Variants in SYNE1 observed in about 807,000 individuals in gnomAD.
SYNE1 encodes the protein spectrin repeat containing nuclear envelope protein 1, also known as nesprin-1.
Under a neutral mutation model 1,111.0 loss-of-function variants are expected in SYNE1, and 616 were observed. The ratio of observed to expected loss-of-function variants is 0.55; its 90% CI spans 0.52 to 0.59. The LOEUF (loss-of-function observed/expected upper bound fraction) is 0.59. SYNE1 is among the 20% of genes least tolerant of loss of function. SYNE1 has a pLI of 0.00. For synonymous variants in SYNE1, 3,855 were observed against 3,825.8 expected (o/e 1.01, Z -0.28); for missense variants, 10,006 against 10,417.0 (o/e 0.96, Z 1.72).
intron 2 of SYNE1, among the ~76,000 whole-genome samples, chr6:152,628,760 A>T (rs183219383): frequency 2.9e-4 from 44 of 152,334 alleles, no homozygotes; most frequent in Non-Finnish European, 4.6e-4. Context: ...TACATAAATG[A>T]GACATATAAA....
Position 152,155,022 on chromosome 6 carries a change from A to G in SYNE1, c.23999T>C (p.Leu8000Ser), listed in dbSNP as rs371981571. The change falls in exon 133 of 146, where the codon TTG (leucine) becomes TCG (serine). Residue 8000 changes from leucine to serine, a missense_variant. Physicochemically the swap from Leu to Ser is moderately radical, Grantham distance 145. Coordinates refer to ENST00000367255, the MANE Select transcript of SYNE1 (RefSeq NM_182961.4). Reference sequence around the variant, plus strand: ...ATAGTCATCCAGAAATTTCTGCCACAATCGCCACGTCTCTTCGATTCTGGG... The same window carrying G: ...ATAGTCATCCAGAAATTTCTGCCACGATCGCCACGTCTCTTCGATTCTGGG... ...RRLKIEETWR[L>S]WQKFLDDYSR... The G allele has an allele frequency of 9.3e-6, 15 of 1,614,040 alleles. No homozygotes were observed. Among genetic ancestry groups the G allele is most frequent in the Non-Finnish European group, 1.3e-5 (15 of 1,180,014 alleles).
chr6:152,293,639 A>G lies in SYNE1; in HGVS notation c.17961T>C (p.Ser5987=). Residue 5987 remains serine (S), a synonymous_variant, in exon 95 of 146, where the codon AGT becomes AGC. Transcript: ENST00000367255. Reference sequence around the variant, plus strand: ...GACTCCTGCCAGGCTCTGGGCTCTCACTGAGTTTCAGCTCAATGGCCTCCA... The same window carrying G: ...GACTCCTGCCAGGCTCTGGGCTCTCGCTGAGTTTCAGCTCAATGGCCTCCA... ...TKMEAIELKL[S]ESPEPGRSPE... 1 of 1,613,984 alleles carries G rather than the reference A, an allele frequency of 6.2e-7. No individual in the cohort carries two copies. The highest frequency in any genetic ancestry group is 8.5e-7 in the Non-Finnish European group (1 of 1,179,934).
chr6:152,364,084 C>A (rs761982369), intron 63 of SYNE1, among the ~76,000 whole-genome samples: 1 of 152,092 alleles, frequency 6.6e-6, no homozygotes, highest in Non-Finnish European at 1.5e-5. Context: ...ATGCTGTTCT[C>A]GTGATAGTCA....
rs180740462 is a variant in SYNE1, at chr6:152,312,684, T to C, written c.16711-1811A>G. On this transcript the variant is annotated intron_variant, in intron 87 of 145. Coordinates refer to ENST00000367255, the MANE Select transcript of SYNE1 (RefSeq NM_182961.4). Reference sequence around the variant, plus strand: ...ATATAAATATATCAAATAGAAAATATATGACTTGGAAAATATTGAAAATAT... The same window carrying C: ...ATATAAATATATCAAATAGAAAATACATGACTTGGAAAATATTGAAAATAT... Among the ~76,000 whole-genome samples the C allele has an allele frequency of 2.7e-5, 4 of 150,006 alleles. No homozygotes were observed. The East Asian group carries it at 7.7e-4, about 29-fold the overall frequency.
intron 145 of SYNE1, chr6:152,126,402 G>T (rs929359885): frequency 3.0e-4 from 46 of 152,160 alleles, no homozygotes; most frequent in African/African-American, 1.1e-3. Flanking sequence ...TAAGTTTCTA[G>T]AGTCTTGGGA....
chr6:152,225,770 A>G lies in SYNE1; in HGVS notation c.21302T>C (p.Met7101Thr), dbSNP rs769405487. ...NKKEDVSSIV[M>T]STLRELGQTW... ...TTGGCCGAGCTCTCGCAGTGTGCTC[A>G]TGACAATGCTAGAGACGTCTTCTTT... is the stretch of plus-strand genomic sequence containing the variant. The change falls in exon 116 of 146, where the codon ATG (methionine) becomes ACG (threonine). Residue 7101 changes from methionine (M) to threonine (T), a missense_variant. By Grantham distance (81) the Met-to-Thr change is moderately conservative (BLOSUM62 -1). Transcript: ENST00000367255. 1.9e-6 allele frequency: 3 copies of G among 1,614,136 alleles called. No homozygotes were observed. Among genetic ancestry groups the G allele is most frequent in the Admixed American group, 3.3e-5 (2 of 60,018 alleles).
intron 129 of SYNE1, 60 bp downstream of exon 129, chr6:152,180,076 G>A (rs923493161): frequency 1.3e-6 from 2 of 1,577,206 alleles, no homozygotes; most frequent in African/African-American, 2.7e-5. Flanking sequence ...TTCTGTACCT[G>A]TGAAAAGTAC....
intron 138 of SYNE1, among the ~76,000 whole-genome samples, chr6:152,143,031 G>C (rs565742486): frequency 6.6e-6 from 1 of 152,154 alleles, no homozygotes; most frequent in Non-Finnish European, 1.5e-5. Flanking sequence ...TCAGTAACTC[G>C]AGTAGGGCAA....
chr6:152,554,882 C>T (rs1450633593), intron 3 of SYNE1, among the ~76,000 whole-genome samples: 1 of 152,222 alleles, frequency 6.6e-6, no homozygotes, highest in Non-Finnish European at 1.5e-5. Context: ...CTTCATCCTG[C>T]AACCTTCCAA....
chr6:152,425,045 T>G (rs2098330790), intron 39 of SYNE1, among the ~76,000 whole-genome samples: 1 of 152,210 alleles, frequency 6.6e-6, no homozygotes, highest in African/African-American at 2.4e-5. Flanking sequence ...TTGAGAAATG[T>G]CATGTGAGAT....
rs919368848 is a variant in SYNE1 at position 152,194,452 on chromosome 6, C to T, written c.23146-5045G>A. Among the ~76,000 whole-genome samples, 4 of 152,026 alleles carry T rather than the reference C, an allele frequency of 2.6e-5. No homozygotes were observed. The East Asian group carries it at 5.8e-4, about 22-fold the overall frequency. The stretch of plus-strand genomic sequence containing the variant: ...GGATCCTTTCTTTATTTTTGACCTT[C>T]GGGAGTTTAATTATTAAATGCCTTG... On this transcript the variant is annotated intron_variant, in intron 127 of 145. Transcript: ENST00000367255.
At chr6:152,532,870 G>A (rs924875562) in intron 4 of SYNE1, among the ~76,000 whole-genome samples, 7 of 152,020 alleles carry the variant, frequency 4.6e-5, no homozygotes, top group Admixed American at 1.3e-4. Context: ...CTTCTGGGTG[G>A]GAACAGCAAG....
chr6:152,435,632 T>C (rs1183622981), intron 33 of SYNE1: 9 of 401,004 alleles, frequency 2.2e-5, no homozygotes, highest in Non-Finnish European at 1.3e-5. Context: ...TTATTTTAAA[T>C]ATTAGTTCTT....
At chr6:152,302,186 G>A in intron 91 of SYNE1, 123 bp from the exon 92 acceptor site, 1 of 1,313,160 alleles carries the variant, frequency 7.6e-7, no homozygotes, top group Non-Finnish European at 1.1e-6. Context: ...CCGGGAGGCA[G>A]GATGTGTAGG....
intron 58 of SYNE1, among the ~76,000 whole-genome samples, chr6:152,375,398 AGT>A (rs1382678933): frequency 6.6e-6 from 1 of 152,218 alleles, no homozygotes; most frequent in African/African-American, 2.4e-5. Flanking sequence ...GCTTACACAC[AGT>A]GTTCTACATA....
chr6:152,496,465 T>C (rs1471881619), intron 11 of SYNE1, among the ~76,000 whole-genome samples: 1 of 152,180 alleles, frequency 6.6e-6, no homozygotes, highest in Non-Finnish European at 1.5e-5. Context: ...CTTTTTCTCC[T>C]TCTCTTATTC....
chr6:152,245,639 T>C (rs542420380), intron 105 of SYNE1, among the ~76,000 whole-genome samples: 2 of 152,294 alleles, frequency 1.3e-5, no homozygotes, highest in African/African-American at 2.4e-5. Context: ...GTCAAAAGAA[T>C]ACATGATAAT....
intron 81 of SYNE1, among the ~76,000 whole-genome samples, chr6:152,324,585 G>A (rs1221419676): frequency 6.6e-6 from 1 of 152,142 alleles, no homozygotes; most frequent in Non-Finnish European, 1.5e-5. Flanking sequence ...ACGAGGTCAG[G>A]AGATTGAGAA....
intron 131 of SYNE1, among the ~76,000 whole-genome samples, chr6:152,158,547 A>T (rs1221521039): frequency 6.6e-6 from 1 of 152,214 alleles, no homozygotes; most frequent in Non-Finnish European, 1.5e-5. Flanking sequence ...TAAAATATTT[A>T]TATTTGTATA....
Sources: allele counts gnomAD v4.1 joint callset (sites outside exome capture counted in the v4.1 genomes callset), GRCh38; gene constraint gnomAD v4.1.1; transcripts MANE v1.5; gene names NCBI Gene and HGNC (gene_info 2026-07-23, HGNC 2026-07-21).